Variants in ARIH1 observed in about 807,000 individuals in gnomAD.
ARIH1 encodes the protein ariadne RBR E3 ubiquitin protein ligase 1.
In ARIH1, 8 loss-of-function variants were observed where a neutral mutation model predicts 85.0. The ratio of observed to expected loss-of-function variants is 0.09; its 90% CI spans 0.06 to 0.17. The LOEUF is 0.17. ARIH1 is among the 10% of genes least tolerant of loss of function. The pLI is 1.00. For synonymous variants in ARIH1, 238 were observed against 253.6 expected (o/e 0.94, Z 0.59); for missense variants, 311 against 718.1 (o/e 0.43, Z 6.48).
chr15:72,558,741 T>C lies in ARIH1; in HGVS notation c.738-2742T>C, dbSNP rs1459580916. Among the ~76,000 whole-genome samples, 8 of 152,352 alleles carry C rather than the reference T, an allele frequency of 5.3e-5. No homozygotes were observed. The East Asian group carries it at 1.5e-3, about 29-fold the overall frequency. On this transcript the variant is annotated intron_variant, in intron 5 of 13. Transcript: ENST00000379887. ...ATGCTCACTTTCTTTTACTTCCTTA[T>C]CAATATCAGATAAACTAAGGGTGGA...
At chr15:72,566,420 G>A in intron 7 of ARIH1, 143 bp from the exon 8 acceptor site, 1 of 710,042 alleles carries the variant, frequency 1.4e-6, no homozygotes, top group East Asian at 2.6e-5. Context: ...CTGTAAAGCA[G>A]ACATGGGTTC....
chr15:72,521,876 C>A (rs950651627), intron 2 of ARIH1, among the ~76,000 whole-genome samples: 1 of 152,150 alleles, frequency 6.6e-6, no homozygotes, highest in Non-Finnish European at 1.5e-5. Flanking sequence ...AAAAATACTT[C>A]TTCTGTATTC....
chr15:72,495,663 GATTAA>G (rs1286217670), intron 1 of ARIH1, among the ~76,000 whole-genome samples: 1 of 152,194 alleles, frequency 6.6e-6, no homozygotes, highest in Non-Finnish European at 1.5e-5. Flanking sequence ...TAAAACAATT[GATTAA>G]ATTAAAATTG....
Position 72,590,772 on chromosome 15 carries a change from T to C in ARIH1, c.*7480T>C, listed in dbSNP as rs2064339666. ...TGACAATGGCTTTATATACATAATA[T>C]TTCCTCAGCAACAATTTATGTCTTA... On this transcript the variant is annotated 3_prime_UTR_variant, in exon 14 of 14. Transcript: ENST00000379887. The C allele has an allele frequency of 6.6e-6, 1 of 152,166 alleles. No individual in the cohort carries two copies. Among genetic ancestry groups the C allele is most frequent in the African/African-American group, 2.4e-5 (1 of 41,434 alleles). 9.4% of individuals were successfully genotyped at this position (152,166 alleles called of 1,614,324 possible).
intron 2 of ARIH1, among the ~76,000 whole-genome samples, chr15:72,524,007 C>T (rs1169397918): frequency 6.4e-5 from 8 of 125,024 alleles, no homozygotes; most frequent in Admixed American, 3.1e-4. Flanking sequence ...AGTGCAGTGG[C>T]GCAATCTCGG....
intron 1 of ARIH1, among the ~76,000 whole-genome samples, chr15:72,499,828 G>A (rs1274050918): frequency 6.6e-6 from 1 of 152,086 alleles, no homozygotes; most frequent in African/African-American, 2.4e-5. Context: ...CTGTGTTGGA[G>A]CCTCTGATTC....
intron 11 of ARIH1, 163 bp from the exon 12 acceptor site, chr15:72,580,568 C>T: frequency 1.5e-6 from 1 of 670,194 alleles, no homozygotes; most frequent in South Asian, 2.1e-5. Context: ...TCAAGAGTCT[C>T]CTTCTTTCTT....
At chr15:72,507,492 C>A (rs1189978111) in intron 1 of ARIH1, among the ~76,000 whole-genome samples, 2 of 152,058 alleles carry the variant, frequency 1.3e-5, no homozygotes, top group African/African-American at 2.4e-5. Flanking sequence ...CTTCCTCACT[C>A]CCCCCATATT....
intron 1 of ARIH1, among the ~76,000 whole-genome samples, chr15:72,517,549 C>T (rs2063980817): frequency 6.6e-6 from 1 of 151,936 alleles, no homozygotes; most frequent in South Asian, 2.1e-4. Flanking sequence ...CTCAGCCTCC[C>T]AAGTAGCTGG....
rs2064312299 is a variant in ARIH1 at position 72,585,511 on chromosome 15, T to G, written c.*2219T>G. 1 of 151,990 alleles carries G rather than the reference T, an allele frequency of 6.6e-6. No homozygotes were observed. The highest frequency in any genetic ancestry group is 6.6e-5 in the Admixed American group (1 of 15,254). 9.4% of individuals were successfully genotyped at this position (151,990 alleles called of 1,614,324 possible). On this transcript the variant is annotated 3_prime_UTR_variant, in exon 14 of 14. Coordinates refer to ENST00000379887, the MANE Select transcript of ARIH1 (RefSeq NM_005744.5). ...TATGTGGCTCCTTTAAAATGCTTTG[T>G]GTATGTGTGGTGTTTAAAAAAAAAA...
chr15:72,475,085 C>G, intron 1 of ARIH1, 71 bp downstream of exon 1: 1 of 1,535,880 alleles, frequency 6.5e-7, no homozygotes, highest in Non-Finnish European at 8.8e-7. Flanking sequence ...CGCGCGGTCC[C>G]GAGGGACAGG....
At chr15:72,516,355 T>G (rs147219300) in intron 1 of ARIH1, among the ~76,000 whole-genome samples, 65 of 152,326 alleles carry the variant, frequency 4.3e-4, no homozygotes, top group African/African-American at 1.5e-3. Flanking sequence ...TAGCTAAATC[T>G]AAATTAGTGA....
At position 72,555,702 on chromosome 15, in the gene ARIH1, T is replaced by C. The variant is rs188210981; in HGVS notation, c.682-150T>C. On this transcript the variant is annotated intron_variant, in intron 4 of 13. Coordinates refer to ENST00000379887, the MANE Select transcript of ARIH1 (RefSeq NM_005744.5). ...AGTTACTTTATGGTGATAAACATAC[T>C]CTCACACACATTTCCTTTAAGGAGA... is the stretch of plus-strand genomic sequence containing the variant. 4.6e-3 allele frequency: 3,174 copies of C among 696,302 alleles called. 12 individuals carry two copies. The highest frequency in any genetic ancestry group is 6.0e-3 in the Non-Finnish European group (2,413 of 404,808). The allele number at this position is 696,302 out of a possible 1,614,324, so 43.1% of individuals were successfully genotyped here.
intron 1 of ARIH1, among the ~76,000 whole-genome samples, chr15:72,512,597 T>C (rs1347309956): frequency 6.6e-6 from 1 of 151,466 alleles, no homozygotes; most frequent in Non-Finnish European, 1.5e-5. Context: ...GGTTTTTCTT[T>C]TTCTTTTTTT....
At chr15:72,526,397 A>C (rs1008095421) in intron 2 of ARIH1, among the ~76,000 whole-genome samples, 4 of 152,150 alleles carry the variant, frequency 2.6e-5, no homozygotes, top group Non-Finnish European at 4.4e-5. Flanking sequence ...AAACAAATTT[A>C]TACTGACCCT....
chr15:72,580,567 TCCTTCTTTCTTTATC>T (rs1447915859), intron 11 of ARIH1, 149 bp from the exon 12 acceptor site: 4 of 662,698 alleles, frequency 6.0e-6, no homozygotes, highest in Non-Finnish European at 5.0e-6. Context: ...ATCAAGAGTC[TCCTTCTTTCTTTATC>T]TTTGCCAAGA....
At chr15:72,544,023 C>T (rs2064118769) in intron 2 of ARIH1, among the ~76,000 whole-genome samples, 1 of 151,888 alleles carries the variant, frequency 6.6e-6, no homozygotes. Flanking sequence ...CAGAGGTTTG[C>T]TATTTAGTTA....
In ARIH1 at chr15:72,592,788, C is replaced by T. The variant is rs894039848; in HGVS notation, c.*9496C>T. 6.6e-6 allele frequency: 1 copy of T among 152,162 alleles called. No individual in the cohort carries two copies. The highest frequency in any genetic ancestry group is 2.1e-4 in the South Asian group (1 of 4,828). The allele number at this position is 152,162 out of a possible 1,614,324, so 9.4% of individuals were successfully genotyped here. Reference sequence around the variant, plus strand: ...AGTATTTCATTCTATAAATATACCACAATTTGTTTATTCATTCTCCTATTG... The same window carrying T: ...AGTATTTCATTCTATAAATATACCATAATTTGTTTATTCATTCTCCTATTG... On this transcript the variant is annotated 3_prime_UTR_variant, in exon 14 of 14. Transcript: ENST00000379887.
At chr15:72,508,629 A>G (rs1014385007) in intron 1 of ARIH1, among the ~76,000 whole-genome samples, 1 of 152,116 alleles carries the variant, frequency 6.6e-6, no homozygotes, top group African/African-American at 2.4e-5. Context: ...TGTGCCCGGC[A>G]CTAAATAATT....
Sources: allele counts gnomAD v4.1 joint callset (sites outside exome capture counted in the v4.1 genomes callset), GRCh38; gene constraint gnomAD v4.1.1; transcripts MANE v1.5; gene names NCBI Gene and HGNC (gene_info 2026-07-23, HGNC 2026-07-21).